PELI2: variants seen among roughly 807,000 people sequenced by gnomAD.
PELI2 encodes E3 ubiquitin-protein ligase pellino homolog 2.
A neutral mutation model predicts 42.3 loss-of-function variants in PELI2; 23 were observed. The observed-to-expected ratio is 0.54, with a 90% confidence interval of 0.39 to 0.77. The LOEUF (loss-of-function observed/expected upper bound fraction) is 0.77. Ranked by LOEUF, PELI2 falls within the 30% of genes least tolerant of loss-of-function variation. The pLI is 0.00. For synonymous variants in PELI2, 245 were observed against 212.2 expected, an observed-to-expected ratio of 1.15 and a Z score of -1.34; for missense variants, 463 against 553.2, an observed-to-expected ratio of 0.84 and a Z score of 1.64.
intron 2 of PELI2, among the ~76,000 whole-genome samples, chr14:56,270,452 C>G (rs1032958745): frequency 6.6e-6 from 1 of 152,132 alleles, no homozygotes; most frequent in African/African-American, 2.4e-5. Flanking sequence ...CCTCATCTTC[C>G]CTGTAGCAAA....
intron 1 of PELI2, among the ~76,000 whole-genome samples, chr14:56,131,030 G>A (rs1002194721): frequency 2.6e-5 from 4 of 152,078 alleles, no homozygotes; most frequent in African/African-American, 9.7e-5. Flanking sequence ...GACTAACGTC[G>A]CTGTTATGTT....
At chr14:56,121,733 T>G (rs753769369) in intron 1 of PELI2, among the ~76,000 whole-genome samples, 28 of 152,216 alleles carry the variant, frequency 1.8e-4, no homozygotes, top group Non-Finnish European at 3.2e-4. Context: ...TAATTCCTCC[T>G]CCTCCTCTCT....
intron 1 of PELI2, among the ~76,000 whole-genome samples, chr14:56,140,587 C>G (rs562515205): frequency 4.6e-5 from 7 of 152,290 alleles, no homozygotes; most frequent in African/African-American, 1.7e-4. Flanking sequence ...TATGCAGATG[C>G]CATACAATCC....
At chr14:56,151,149 C>T (rs117266458) in intron 1 of PELI2, among the ~76,000 whole-genome samples, 152 of 152,332 alleles carry the variant, frequency 1.0e-3, no homozygotes, top group East Asian at 8.3e-3. Flanking sequence ...CACAGCACCC[C>T]GTGTGGCCTC....
chr14:56,240,491 G>A (rs570447553), intron 2 of PELI2, among the ~76,000 whole-genome samples: 2 of 152,240 alleles, frequency 1.3e-5, no homozygotes, highest in East Asian at 3.9e-4. Flanking sequence ...TGCAGTTACG[G>A]GGGTGAATTG....
chr14:56,163,700 C>G (rs1403538144), intron 1 of PELI2, among the ~76,000 whole-genome samples: 2 of 151,966 alleles, frequency 1.3e-5, no homozygotes, highest in Non-Finnish European at 2.9e-5. Context: ...TTTTTCCAAT[C>G]CATGAACATG....
chr14:56,212,921 C>T (rs1319504138), intron 2 of PELI2, among the ~76,000 whole-genome samples: 1 of 148,340 alleles, frequency 6.7e-6, no homozygotes, highest in African/African-American at 2.6e-5. Context: ...TCCAGAGTTG[C>T]AGGGATGAAA....
intron 1 of PELI2, among the ~76,000 whole-genome samples, chr14:56,168,674 C>T (rs868474235): frequency 2.6e-5 from 4 of 152,082 alleles, no homozygotes; most frequent in Admixed American, 1.3e-4. Flanking sequence ...CCCCTGTGGC[C>T]GTGCTGGTAC....
intron 2 of PELI2, among the ~76,000 whole-genome samples, chr14:56,261,272 T>G (rs934367193): frequency 2.6e-5 from 4 of 152,212 alleles, no homozygotes; most frequent in African/African-American, 9.6e-5. Flanking sequence ...GCCACTCATT[T>G]CTATTGCTTG....
At chr14:56,188,352 A>T (rs994924827) in intron 2 of PELI2, among the ~76,000 whole-genome samples, 1 of 152,216 alleles carries the variant, frequency 6.6e-6, no homozygotes, top group African/African-American at 2.4e-5. Flanking sequence ...AGGCACATGC[A>T]TAGATAGTTT....
At chr14:56,262,109 C>T (rs968396859) in intron 2 of PELI2, among the ~76,000 whole-genome samples, 1 of 152,176 alleles carries the variant, frequency 6.6e-6, no homozygotes, top group African/African-American at 2.4e-5. Context: ...TCCAAAAGTA[C>T]TAGAAGCAGG....
In PELI2 at chr14:56,178,437, T is replaced by C; in HGVS notation, c.180T>C (p.His60=). ...ATGGTGTCAAACCCAGCACCGTCCA[T>C]GTGATATCCACGCCCCAGGCATCCA... The part of the protein sequence containing the change: ...KANGVKPSTV[H]VISTPQASKA... The change falls in exon 2 of 6, where the codon CAT becomes CAC. Residue 60 remains histidine (H), a synonymous_variant. Coordinates refer to ENST00000267460, the MANE Select transcript of PELI2 (RefSeq NM_021255.3). The C allele has an allele frequency of 6.2e-7, 1 of 1,614,204 alleles. No homozygotes were observed. Among genetic ancestry groups the C allele is most frequent in the Non-Finnish European group, 8.5e-7 (1 of 1,180,026 alleles).
chr14:56,222,575 A>T (rs984871247), intron 2 of PELI2, among the ~76,000 whole-genome samples: 1 of 152,254 alleles, frequency 6.6e-6, no homozygotes, highest in Non-Finnish European at 1.5e-5. Context: ...AAAGTGTTTC[A>T]TCAAAGGCAA....
rs191153145 is a variant in PELI2, at chr14:56,259,647, A to C, written c.208-20029A>C. Among the ~76,000 whole-genome samples the C allele has an allele frequency of 6.0e-3, 915 of 152,272 alleles. 11 individuals are homozygous for C. The highest frequency in any genetic ancestry group is 0.02 in the African/African-American group (835 of 41,572). On this transcript the variant is annotated intron_variant, in intron 2 of 5. Transcript: ENST00000267460. ...AATAGATGAAACTTCCTTACTTGAT[A>C]AAGGATGTTTTTGAAAAACTTAACA...
At chr14:56,277,955 C>CT (rs1246286488) in intron 2 of PELI2, among the ~76,000 whole-genome samples, 2 of 152,072 alleles carry the variant, frequency 1.3e-5, no homozygotes, top group Admixed American at 1.3e-4. Flanking sequence ...AATGTATAAC[C>CT]TTTAAAAGTA....
intron 2 of PELI2, among the ~76,000 whole-genome samples, chr14:56,233,680 A>C (rs1250881944): frequency 2.0e-5 from 3 of 152,252 alleles, no homozygotes; most frequent in Non-Finnish European, 4.4e-5. Context: ...AATACCGTTC[A>C]TAACATAGGC....
At chr14:56,285,749 A>T (rs1889624465) in intron 3 of PELI2, among the ~76,000 whole-genome samples, 1 of 152,104 alleles carries the variant, frequency 6.6e-6, no homozygotes, top group African/African-American at 2.4e-5. Flanking sequence ...AGCTAAAGAT[A>T]TGGGTGAGGA....
At chr14:56,269,039 A>G (rs1889006753) in intron 2 of PELI2, among the ~76,000 whole-genome samples, 1 of 152,210 alleles carries the variant, frequency 6.6e-6, no homozygotes, top group Non-Finnish European at 1.5e-5. Context: ...GTGATTGGTA[A>G]TGTGAACATG....
At chr14:56,229,388 C>T (rs770606505) in intron 2 of PELI2, among the ~76,000 whole-genome samples, 12 of 152,328 alleles carry the variant, frequency 7.9e-5, no homozygotes, top group African/African-American at 9.6e-5. Flanking sequence ...CCCTCTGAGA[C>T]GAAGCTTCCA....
Sources: allele counts gnomAD v4.1 joint callset (sites outside exome capture counted in the v4.1 genomes callset), GRCh38; gene constraint gnomAD v4.1.1; transcripts MANE v1.5; gene names NCBI Gene and HGNC (gene_info 2026-07-23, HGNC 2026-07-21).